SUMF1: variants seen among roughly 807,000 people sequenced by gnomAD.
SUMF1 encodes formylglycine-generating enzyme.
Under a neutral mutation model 47.6 loss-of-function variants are expected in SUMF1, and 48 were observed. The observed-to-expected ratio is 1.01, with a 90% CI of 0.80 to 1.28. The LOEUF is 1.28. Among genes scored for constraint, SUMF1 ranks in the 50% most tolerant of loss-of-function variants. The pLI, the probability that SUMF1 is intolerant of heterozygous loss-of-function variation, is 0.00. For missense variants in SUMF1, 571 were observed against 485.4 expected, an observed-to-expected ratio of 1.18 and a Z score of -1.66; for synonymous variants, 230 against 192.1, an observed-to-expected ratio of 1.20 and a Z score of -1.63.
chr3:4,367,113 G>A (rs776104419), intron 8 of SUMF1, among the ~76,000 whole-genome samples: 43 of 152,102 alleles, frequency 2.8e-4, no homozygotes, highest in Non-Finnish European at 5.6e-4. Flanking sequence ...CGTGTGAGGT[G>A]TCAGTCTGCC....
At chr3:4,098,278 A>G (rs1350085594) in intron 8 of SUMF1, among the ~76,000 whole-genome samples, 1 of 152,070 alleles carries the variant, frequency 6.6e-6, no homozygotes, top group Non-Finnish European at 1.5e-5. Flanking sequence ...AATATACTAA[A>G]TATTTAGAAG....
intron 8 of SUMF1, among the ~76,000 whole-genome samples, chr3:4,216,256 T>C (rs1695921473): frequency 6.6e-6 from 1 of 152,164 alleles, no homozygotes; most frequent in Non-Finnish European, 1.5e-5. Flanking sequence ...AACCATCTGA[T>C]CTTTGAGAAA....
At chr3:4,134,557 A>T (rs1020330490) in intron 8 of SUMF1, among the ~76,000 whole-genome samples, 1 of 152,180 alleles carries the variant, frequency 6.6e-6, no homozygotes, top group African/African-American at 2.4e-5. Flanking sequence ...CAATTAAAAG[A>T]ACTAGAGAAG....
At chr3:4,379,481 T>A (rs915201501) in intron 7 of SUMF1, among the ~76,000 whole-genome samples, 2 of 152,068 alleles carry the variant, frequency 1.3e-5, no homozygotes, top group African/African-American at 2.4e-5. Context: ...CCTTAGAGAC[T>A]CCAGATGGGG....
At chr3:4,225,058 G>A (rs1274828940) in intron 8 of SUMF1, among the ~76,000 whole-genome samples, 2 of 152,062 alleles carry the variant, frequency 1.3e-5, no homozygotes, top group Non-Finnish European at 2.9e-5. Flanking sequence ...CACAAGAAGT[G>A]GCCATGTACC....
intron 8 of SUMF1, among the ~76,000 whole-genome samples, chr3:4,150,655 A>G (rs1694297742): frequency 6.6e-6 from 1 of 151,536 alleles, no homozygotes; most frequent in Non-Finnish European, 1.5e-5. Context: ...AAAGTGCTGT[A>G]ATTATAGGCA....
Position 4,158,372 on chromosome 3 carries a change from G to A in SUMF1, c.1015-89627C>T, listed in dbSNP as rs930675015. ...ATGTTTGCTTGTTTTGTGAGCTAAC[G>A]TGGTCTATCCCGAGAATGATCCATG... On this transcript the variant is annotated intron_variant and NMD_transcript_variant, in intron 8 of 12. Transcript: ENST00000448413. Among the ~76,000 whole-genome samples the A allele has an allele frequency of 6.6e-5, 10 of 151,300 alleles. 1 individual carries two copies. The highest frequency in any genetic ancestry group is 1.2e-4 in the Non-Finnish European group (8 of 67,958).
intron 8 of SUMF1, among the ~76,000 whole-genome samples, chr3:4,193,735 T>A (rs1438815504): frequency 6.6e-6 from 1 of 152,088 alleles, no homozygotes; most frequent in Non-Finnish European, 1.5e-5. Context: ...TGGTTTGAGT[T>A]AAACTTATAG....
intron 8 of SUMF1, among the ~76,000 whole-genome samples, chr3:4,249,267 A>G (rs980088204): frequency 1.3e-5 from 2 of 152,150 alleles, no homozygotes; most frequent in African/African-American, 4.8e-5. Context: ...TAATATACAG[A>G]CAGTCTTATT....
rs548475236 is a variant in SUMF1 at position 4,110,184 on chromosome 3, G to A, written c.1015-41439C>T. On this transcript the variant is annotated intron_variant and NMD_transcript_variant, in intron 8 of 12. Transcript: ENST00000448413. ...TGCAGGTTGCTGGAGTTTGCTGGAG[G>A]TCCACTCCAGACCCTGTTTGCCTGG... Among the ~76,000 whole-genome samples the A allele has an allele frequency of 2.6e-5, 4 of 152,194 alleles. No homozygotes were observed. The South Asian group carries it at 6.2e-4, about 24-fold the overall frequency.
intron 7 of SUMF1, among the ~76,000 whole-genome samples, chr3:4,406,423 A>T (rs1233460295): frequency 6.6e-6 from 1 of 152,160 alleles, no homozygotes; most frequent in Non-Finnish European, 1.5e-5. Context: ...CGGGAGGCGG[A>T]GGCAGGTGGA....
At chr3:4,418,193 G>C in intron 4 of SUMF1, 61 bp from the exon 5 acceptor site, 1 of 1,610,432 alleles carries the variant, frequency 6.2e-7, no homozygotes, top group Non-Finnish European at 8.5e-7. Flanking sequence ...GCAGGAGCTG[G>C]CTTCAGCAAA....
intron 9 of SUMF1, among the ~76,000 whole-genome samples, chr3:4,035,196 A>C (rs912396523): frequency 1.3e-5 from 2 of 152,166 alleles, no homozygotes; most frequent in Non-Finnish European, 2.9e-5. Context: ...TCACTCCCAT[A>C]AGAAATTATC....
At chr3:4,068,627 T>C (rs1191641229) in exon 9 of SUMF1, 2 of 439,712 alleles carry the variant, frequency 4.5e-6, no homozygotes, top group East Asian at 1.4e-4. Flanking sequence ...ATATTGCTGA[T>C]GCCTACGTAT....
intron 8 of SUMF1, among the ~76,000 whole-genome samples, chr3:4,301,361 G>C (rs1697960446): frequency 6.6e-6 from 1 of 152,296 alleles, no homozygotes; most frequent in Non-Finnish European, 1.5e-5. Context: ...GTCCTCAAAG[G>C]CTCATAAGAC....
intron 2 of SUMF1, 115 bp downstream of exon 2, chr3:4,452,761 C>A (rs1461581008): frequency 4.0e-6 from 5 of 1,248,662 alleles, no homozygotes; most frequent in Non-Finnish European, 5.8e-6. Flanking sequence ...AAATGCTTCA[C>A]ACAGTTCTGC....
chr3:4,046,643 C>G lies in SUMF1; in HGVS notation c.1191+21926G>C, dbSNP rs148322393. Among the ~76,000 whole-genome samples, 47 of 152,264 alleles carry G rather than the reference C, an allele frequency of 3.1e-4. 1 individual carries two copies. Among genetic ancestry groups the G allele is most frequent in the African/African-American group, 1.1e-3 (46 of 41,548 alleles). ...TCTTTCCCAGCATCCTGCAAAATCT[C>G]GCTCCAAATATAGCTCCAGTTTGTC... On this transcript the variant is annotated intron_variant and NMD_transcript_variant, in intron 9 of 12. Transcript: ENST00000448413.
intron 8 of SUMF1, among the ~76,000 whole-genome samples, chr3:4,363,989 T>C (rs981927951): frequency 7.1e-6 from 1 of 140,906 alleles, no homozygotes; most frequent in Non-Finnish European, 1.5e-5. Flanking sequence ...AATCATGTGG[T>C]TTTTGTCTTT....
chr3:4,052,849 G>T (rs562181963), intron 9 of SUMF1, among the ~76,000 whole-genome samples: 3 of 152,134 alleles, frequency 2.0e-5, no homozygotes, highest in African/African-American at 7.2e-5. Flanking sequence ...AAGAAATGTT[G>T]TATGTGGTTT....
Sources: gnomAD v4.1 joint callset for allele counts (sites outside exome capture counted in the v4.1 genomes callset) on GRCh38, gnomAD v4.1.1 for gene constraint, MANE v1.5 for transcripts, NCBI Gene and HGNC (gene_info 2026-07-23, HGNC 2026-07-21) for gene names.